FAM174A: variants seen among roughly 807,000 people sequenced by gnomAD.
The protein encoded by FAM174A is membrane protein FAM174A.
FAM174A carries 14 observed loss-of-function variants against 14.3 expected under a neutral mutation model. That is an observed-to-expected ratio of 0.98 (90% confidence interval 0.65 to 1.53). The LOEUF is 1.53. FAM174A is among the 40% of genes most tolerant of loss of function. The pLI is 0.00. For synonymous variants in FAM174A, 108 were observed against 111.4 expected, an observed-to-expected ratio of 0.97 and a Z score of 0.19; for missense variants, 241 against 249.6, an observed-to-expected ratio of 0.97 and a Z score of 0.23.
intron 1 of FAM174A, among the ~76,000 whole-genome samples, chr5:100,550,384 C>T (rs72774693): frequency 0.037 from 5,566 of 152,190 alleles, 156 homozygotes; most frequent in Non-Finnish European, 0.055. Flanking sequence ...AAATGATGTT[C>T]TTTCAGGCTT....
intron 1 of FAM174A, among the ~76,000 whole-genome samples, chr5:100,545,048 G>T (rs750943082): frequency 3.9e-5 from 6 of 152,176 alleles, no homozygotes; most frequent in Non-Finnish European, 8.8e-5. Flanking sequence ...AATATCTTGA[G>T]TATCACCTCT....
At chr5:100,559,272 A>G (rs548339441) in intron 1 of FAM174A, among the ~76,000 whole-genome samples, 20 of 152,160 alleles carry the variant, frequency 1.3e-4, no homozygotes, top group Admixed American at 7.9e-4. Context: ...GGCCCCCACT[A>G]TCTTCTGGCT....
intron 1 of FAM174A, among the ~76,000 whole-genome samples, chr5:100,543,934 A>G (rs1367353816): frequency 6.6e-6 from 1 of 152,194 alleles, no homozygotes; most frequent in Non-Finnish European, 1.5e-5. Flanking sequence ...TACCTGTGTT[A>G]TGACATTATT....
At chr5:100,570,494 T>C (rs1746757741) in intron 2 of FAM174A, among the ~76,000 whole-genome samples, 1 of 151,930 alleles carries the variant, frequency 6.6e-6, no homozygotes, top group Non-Finnish European at 1.5e-5. Context: ...AATACCATTT[T>C]CCCCCAAGTA....
chr5:100,554,031 G>A (rs1201866470), intron 1 of FAM174A, among the ~76,000 whole-genome samples: 1 of 152,078 alleles, frequency 6.6e-6, no homozygotes. Context: ...TATGACCCGG[G>A]AGAATCTAGT....
intron 1 of FAM174A, among the ~76,000 whole-genome samples, chr5:100,536,446 A>C (rs943041147): frequency 6.6e-6 from 1 of 152,214 alleles, no homozygotes; most frequent in Non-Finnish European, 1.5e-5. Flanking sequence ...AAATCAATAT[A>C]TATTTGAGTG....
At chr5:100,582,051 A>G (rs1228314116) in intron 2 of FAM174A, among the ~76,000 whole-genome samples, 1 of 152,166 alleles carries the variant, frequency 6.6e-6, no homozygotes. Flanking sequence ...TCAAAAGGCT[A>G]TTTAGTGATA....
chr5:100,561,112 A>G (rs1746513887), intron 1 of FAM174A, among the ~76,000 whole-genome samples: 1 of 151,970 alleles, frequency 6.6e-6, no homozygotes, highest in Admixed American at 6.6e-5. Flanking sequence ...AGCACATAGG[A>G]ATGCAAATTA....
chr5:100,557,199 A>G (rs905951283), intron 1 of FAM174A, among the ~76,000 whole-genome samples: 19 of 149,584 alleles, frequency 1.3e-4, no homozygotes, highest in African/African-American at 4.7e-4. Context: ...TATTGAGATA[A>G]TCATGTGGTT....
intron 2 of FAM174A, among the ~76,000 whole-genome samples, chr5:100,570,567 A>G (rs1448483408): frequency 6.6e-6 from 1 of 151,892 alleles, no homozygotes; most frequent in Non-Finnish European, 1.5e-5. Context: ...TTGAAATAGG[A>G]ACTTGACCAA....
intron 2 of FAM174A, 49 bp from the exon 3 acceptor site, chr5:100,586,132 A>C (rs1214375224): frequency 9.5e-6 from 10 of 1,048,062 alleles, no homozygotes; most frequent in Non-Finnish European, 1.4e-5. Context: ...AATGTTTTTA[A>C]AATTGTTCTA....
At chr5:100,567,783 T>C (rs190390658) in intron 2 of FAM174A, among the ~76,000 whole-genome samples, 1 of 151,894 alleles carries the variant, frequency 6.6e-6, no homozygotes, top group Non-Finnish European at 1.5e-5. Flanking sequence ...TAGTTAATGC[T>C]CTCTCCTAAA....
At chr5:100,574,861 G>T (rs951039280) in intron 2 of FAM174A, among the ~76,000 whole-genome samples, 6 of 152,244 alleles carry the variant, frequency 3.9e-5, no homozygotes, top group East Asian at 1.9e-4. Context: ...GAGTGATTGT[G>T]ACAGCTGCTT....
At chr5:100,553,165 G>A (rs184333330) in intron 1 of FAM174A, among the ~76,000 whole-genome samples, 2 of 152,106 alleles carry the variant, frequency 1.3e-5, no homozygotes, top group African/African-American at 4.8e-5. Context: ...AAGAACTCTG[G>A]CTATTAAAAT....
intron 1 of FAM174A, among the ~76,000 whole-genome samples, chr5:100,554,625 A>G (rs1477650389): frequency 6.8e-6 from 1 of 146,714 alleles, no homozygotes; most frequent in Non-Finnish European, 1.5e-5. Flanking sequence ...TTCTATTTCT[A>G]CTTTCTAAAG....
At chr5:100,559,582 C>T (rs1746480328) in intron 1 of FAM174A, among the ~76,000 whole-genome samples, 1 of 152,112 alleles carries the variant, frequency 6.6e-6, no homozygotes, top group Non-Finnish European at 1.5e-5. Context: ...CTTTCAGGTA[C>T]ACCAATCAGA....
At chr5:100,554,310 CTTTTTTTTTTTT>C (rs34241194) in intron 1 of FAM174A, among the ~76,000 whole-genome samples, 3 of 93,942 alleles carry the variant, frequency 3.2e-5, no homozygotes, top group Admixed American at 2.6e-4. Context: ...ATTTTTCTAT[CTTTTTTTTTTTT>C]TTTTTTTTTT....
At chr5:100,566,270 C>T (rs1746651010) in intron 2 of FAM174A, among the ~76,000 whole-genome samples, 2 of 146,748 alleles carry the variant, frequency 1.4e-5, no homozygotes, top group Admixed American at 6.9e-5. Flanking sequence ...CATGGATGAA[C>T]ATGGAGGAAT....
At chr5:100,559,980 G>A (rs1206020977) in intron 1 of FAM174A, among the ~76,000 whole-genome samples, 13 of 151,970 alleles carry the variant, frequency 8.6e-5, no homozygotes, top group African/African-American at 2.2e-4. Flanking sequence ...GCTTTGTTCC[G>A]TTGCTGGTGA....
Sources: allele counts gnomAD v4.1 joint callset (sites outside exome capture counted in the v4.1 genomes callset), GRCh38; gene constraint gnomAD v4.1.1; transcripts MANE v1.5; gene names NCBI Gene and HGNC (gene_info 2026-07-23, HGNC 2026-07-21).